The following PDE10A variants were observed in gnomAD, a reference collection of about 807,000 sequenced individuals.
PDE10A encodes cAMP and cAMP-inhibited cGMP 3',5'-cyclic phosphodiesterase 10A.
A neutral mutation model predicts 97.7 loss-of-function variants in PDE10A; 39 were observed. The observed-to-expected ratio is 0.40, with a 90% CI of 0.31 to 0.52. The LOEUF is 0.52. Among genes scored for constraint, PDE10A ranks in the 20% least tolerant of loss-of-function variants. The pLI is 0.56. For missense variants in PDE10A, 731 were observed against 1,047.8 expected (o/e 0.70, Z 4.17); for synonymous variants, 371 against 376.8 (o/e 0.98, Z 0.18).
intron 1 of PDE10A, among the ~76,000 whole-genome samples, chr6:165,920,123 T>C (rs976024008): frequency 7.2e-5 from 11 of 152,234 alleles, no homozygotes; most frequent in Non-Finnish European, 1.0e-4. Flanking sequence ...TTTGGATACA[T>C]ATTTCTGTGG....
At chr6:165,732,085 C>T (rs766957284) in intron 1 of PDE10A, among the ~76,000 whole-genome samples, 4 of 152,226 alleles carry the variant, frequency 2.6e-5, no homozygotes, top group Non-Finnish European at 4.4e-5. Context: ...GTACTGTTTT[C>T]TCTTTTGCCA....
At position 165,394,659 on chromosome 6, in the gene PDE10A, G is replaced by T. The variant is rs190150330; in HGVS notation, c.2303+522C>A. On this transcript the variant is annotated intron_variant, in intron 15 of 21. Coordinates refer to ENST00000539869, the MANE Select transcript of PDE10A (RefSeq NM_001385079.1). ...AATCACCATACCGTTTTCTACAATG[G>T]TTGAACTAATTTACATTCCCACCAA... 4.5e-3 allele frequency among the ~76,000 whole-genome samples: 685 copies of T among 152,200 alleles called. 4 individuals carry two copies. Among genetic ancestry groups the T allele is most frequent in the Non-Finnish European group, 7.3e-3 (494 of 68,008 alleles).
chr6:165,739,459 A>T (rs1792663561), intron 1 of PDE10A, among the ~76,000 whole-genome samples: 1 of 152,226 alleles, frequency 6.6e-6, no homozygotes, highest in South Asian at 2.1e-4. Context: ...AAATTGGACC[A>T]TTGCCTCACA....
intron 1 of PDE10A, among the ~76,000 whole-genome samples, chr6:165,621,771 A>AAAGAAG (rs1554297071): frequency 3.0e-5 from 4 of 134,790 alleles, no homozygotes; most frequent in African/African-American, 1.1e-4. Flanking sequence ...AAGAAAAAAA[A>AAAGAAG]AAGAAGAAGA....
intron 10 of PDE10A, among the ~76,000 whole-genome samples, chr6:165,419,422 G>T (rs1360206047): frequency 6.6e-6 from 1 of 152,088 alleles, no homozygotes; most frequent in African/African-American, 2.4e-5. Flanking sequence ...CAATATTAAC[G>T]CAGGAAAATC....
intron 1 of PDE10A, among the ~76,000 whole-genome samples, chr6:165,626,064 G>A (rs1277526296): frequency 6.6e-6 from 1 of 152,138 alleles, no homozygotes; most frequent in Non-Finnish European, 1.5e-5. Context: ...AGGATGAAGT[G>A]GGGCAGCGAA....
chr6:165,516,472 T>A (rs566026496), intron 2 of PDE10A, among the ~76,000 whole-genome samples: 1 of 152,218 alleles, frequency 6.6e-6, no homozygotes, highest in Non-Finnish European at 1.5e-5. Flanking sequence ...CCTGTTTTTA[T>A]GGACCTACAT....
At chr6:165,413,789 T>A in intron 12 of PDE10A, 102 bp from the exon 13 acceptor site, 1 of 849,974 alleles carries the variant, frequency 1.2e-6, no homozygotes, top group Non-Finnish European at 1.8e-6. Context: ...GCAATTTACA[T>A]ATGCTTCTAT....
chr6:165,803,028 C>T (rs1779023115), intron 1 of PDE10A, among the ~76,000 whole-genome samples: 1 of 152,180 alleles, frequency 6.6e-6, no homozygotes, highest in Admixed American at 6.5e-5. Flanking sequence ...ACCGTGGTGT[C>T]TGACATAATA....
At chr6:165,374,982 C>T (rs904972581) in intron 18 of PDE10A, among the ~76,000 whole-genome samples, 5 of 152,208 alleles carry the variant, frequency 3.3e-5, no homozygotes, top group Admixed American at 3.3e-4. Context: ...ATGAATTACA[C>T]CCATATATGA....
At chr6:165,728,415 CAA>C (rs1792349927) in intron 1 of PDE10A, among the ~76,000 whole-genome samples, 1 of 152,208 alleles carries the variant, frequency 6.6e-6, no homozygotes, top group Non-Finnish European at 1.5e-5. Flanking sequence ...TGATCCAATT[CAA>C]AGACTGGCTT....
rs112958171 is a variant in PDE10A, at chr6:165,715,617, C to A, written c.-614-172049G>T. Among the ~76,000 whole-genome samples the A allele has an allele frequency of 9.9e-3, 1,512 of 152,268 alleles. 25 individuals are homozygous for A. Among genetic ancestry groups the A allele is most frequent in the African/African-American group, 0.035 (1,462 of 41,542 alleles). On this transcript the variant is annotated intron_variant, in intron 1 of 19. Transcript: ENST00000366882. The stretch of plus-strand genomic sequence containing the variant: ...ACCCATGCACATGCATGTACACATG[C>A]ACACACGTGAACACACGTGCGCACA...
intron 1 of PDE10A, 93 bp from the exon 2 acceptor site, chr6:165,543,661 G>T: frequency 2.1e-6 from 2 of 935,984 alleles, no homozygotes; most frequent in Non-Finnish European, 3.1e-6. Flanking sequence ...CTAAGACCCA[G>T]CAACCTCTCA....
At chr6:165,601,106 C>T (rs1013174879) in intron 1 of PDE10A, among the ~76,000 whole-genome samples, 1 of 152,180 alleles carries the variant, frequency 6.6e-6, no homozygotes, top group African/African-American at 2.4e-5. Flanking sequence ...GTGCTACTCT[C>T]ATGATAGAGA....
chr6:165,637,905 C>T (rs1262683952), intron 1 of PDE10A, among the ~76,000 whole-genome samples: 2 of 152,204 alleles, frequency 1.3e-5, no homozygotes, highest in Non-Finnish European at 2.9e-5. Context: ...CAAAATATGC[C>T]TTGTCTTTAT....
intron 1 of PDE10A, among the ~76,000 whole-genome samples, chr6:165,646,373 A>C (rs1258665885): frequency 1.3e-5 from 2 of 152,234 alleles, no homozygotes; most frequent in Admixed American, 1.3e-4. Context: ...AAGTATTATG[A>C]CCTAAAACAA....
chr6:165,483,237 A>G (rs1461710081), intron 2 of PDE10A, among the ~76,000 whole-genome samples: 1 of 152,216 alleles, frequency 6.6e-6, no homozygotes, highest in Non-Finnish European at 1.5e-5. Flanking sequence ...GAGCAATCAA[A>G]CCCTGTTGTC....
intron 1 of PDE10A, among the ~76,000 whole-genome samples, chr6:165,854,853 C>T (rs1780675429): frequency 6.6e-6 from 1 of 152,148 alleles, no homozygotes; most frequent in Admixed American, 6.5e-5. Context: ...CCTGGCGGGG[C>T]TGGGTCAGGC....
chr6:165,973,434 A>T (rs891729713), intron 1 of PDE10A, among the ~76,000 whole-genome samples: 2 of 151,548 alleles, frequency 1.3e-5, no homozygotes, highest in African/African-American at 2.4e-5. Context: ...AAAATAAAAT[A>T]AAAAAGTGAT....
Sources: allele counts gnomAD v4.1 joint callset (sites outside exome capture counted in the v4.1 genomes callset), GRCh38; gene constraint gnomAD v4.1.1; transcripts MANE v1.5; gene names NCBI Gene and HGNC (gene_info 2026-07-23, HGNC 2026-07-21).